The following SH3D21 variants were observed in gnomAD, a reference collection of about 807,000 sequenced individuals.
The protein encoded by SH3D21 is manchette microtubule inner protein 1.
A neutral mutation model predicts 82.1 loss-of-function variants in SH3D21; 83 were observed. The observed-to-expected ratio is 1.01, with a 90% CI of 0.85 to 1.21. The LOEUF is 1.21. SH3D21 is among the 50% of genes most tolerant of loss of function. The probability of loss-of-function intolerance (pLI) is 0.00; values close to 1 mark genes in which losing one functional copy is unlikely to be tolerated. For synonymous variants in SH3D21, 383 were observed against 387.8 expected (o/e 0.99, Z 0.15); for missense variants, 980 against 962.1 (o/e 1.02, Z -0.25).
chr1:36,323,051 G>A, downstream of SH3D21: 14 of 1,598,174 alleles, frequency 8.8e-6, no homozygotes, highest in Non-Finnish European at 1.2e-5. Flanking sequence ...GCTCTGGGGG[G>A]CAGCTCCCCT....
At position 36,311,341 on chromosome 1, in the gene SH3D21, C is replaced by T. The variant is rs373565260; in HGVS notation, c.769+1751C>T. On this transcript the variant is annotated intron_variant, in intron 10 of 15. Coordinates refer to ENST00000453908, the MANE Select transcript of SH3D21 (RefSeq NM_001162530.2). Reference sequence around the variant, plus strand: ...CTGCAAGCTCTGCCTCCCGGGTTCACGCCATTCTCCTGCCTCAGCCTCCCG... The same window carrying T: ...CTGCAAGCTCTGCCTCCCGGGTTCATGCCATTCTCCTGCCTCAGCCTCCCG... Among the ~76,000 whole-genome samples the T allele has an allele frequency of 7.4e-4, 113 of 151,744 alleles. 2 individuals carry two copies. The East Asian group carries it at 0.013, about 18-fold the overall frequency.
At position 36,319,704 on chromosome 1, in the gene SH3D21, C is replaced by T. The variant is rs1271585672; in HGVS notation, c.1041C>T (p.Ala347=). The change falls in exon 14 of 16, where the codon GCC becomes GCT. Residue 347 remains alanine (A), a synonymous_variant. Coordinates refer to ENST00000453908, the MANE Select transcript of SH3D21 (RefSeq NM_001162530.2). ...AAGAGCACAGCAGCCCGGTAAAGGC[C>T]CCCTCTGTGAAGAGAACCCCCATGC... The part of the protein sequence containing the change: ...QEEEHSSPVK[A]PSVKRTPMPD... The T allele has an allele frequency of 2.5e-6, 4 of 1,593,796 alleles. No individual in the cohort carries two copies. Among genetic ancestry groups the T allele is most frequent in the Admixed American group, 1.8e-5 (1 of 56,846 alleles).
In SH3D21 at chr1:36,306,485, A is replaced by G; in HGVS notation, c.4+61A>G. 2 of 1,305,014 alleles carry G rather than the reference A, an allele frequency of 1.5e-6. No individual in the cohort carries two copies. Among genetic ancestry groups the G allele is most frequent in the Non-Finnish European group, 2.0e-6 (2 of 988,884 alleles). 80.8% of individuals were successfully genotyped at this position (1,305,014 alleles called of 1,614,324 possible). The stretch of plus-strand genomic sequence containing the variant: ...AACCGTGGACATAGCAAGAGCCCAC[A>G]CCACCCCCCGACCCCCGCTGCCCTC... On this transcript the variant is annotated intron_variant, in intron 1 of 15. Coordinates refer to ENST00000453908, the MANE Select transcript of SH3D21 (RefSeq NM_001162530.2). The surrounding 1 kb of genome is among the most constrained non-coding windows in gnomAD (Gnocchi z 4.5).
chr1:36,322,134 T>C, downstream of SH3D21: 1 of 1,349,350 alleles, frequency 7.4e-7, no homozygotes, highest in Non-Finnish European at 9.6e-7. Context: ...CCCCGGGGTC[T>C]TCTGGCAGGA....
chr1:36,327,959 G>T, downstream of SH3D21: 1 of 955,580 alleles, frequency 1.0e-6, no homozygotes, highest in Non-Finnish European at 1.5e-6. Flanking sequence ...ATCTCTGCAC[G>T]TGTGTCACCT....
intron 10 of SH3D21, among the ~76,000 whole-genome samples, chr1:36,313,005 C>G (rs757643055): frequency 1.3e-4 from 20 of 152,056 alleles, no homozygotes; most frequent in Non-Finnish European, 2.6e-4. Context: ...AGCCACCACA[C>G]CTGGCCTATC....
At chr1:36,313,062 C>T (rs1646271706) in intron 10 of SH3D21, among the ~76,000 whole-genome samples, 3 of 151,898 alleles carry the variant, frequency 2.0e-5, no homozygotes, top group Non-Finnish European at 4.4e-5. Context: ...TGGTGGCTTA[C>T]GCCTGTAATC....
chr1:36,311,723 T>C (rs1646245549), intron 10 of SH3D21, among the ~76,000 whole-genome samples: 1 of 152,032 alleles, frequency 6.6e-6, no homozygotes, highest in Non-Finnish European at 1.5e-5. Flanking sequence ...AAAGGGTCAT[T>C]GGGTCTTTGT....
chr1:36,330,089 A>C (rs1320921981), downstream of SH3D21, among the ~76,000 whole-genome samples: 1 of 152,050 alleles, frequency 6.6e-6, no homozygotes, highest in Non-Finnish European at 1.5e-5. Flanking sequence ...ACCAGGATGC[A>C]GTCAAGACAC....
At position 36,307,668 on chromosome 1, in the gene SH3D21, G is replaced by T. The variant is rs1344329308; in HGVS notation, c.436+61G>T. ...TCTCCAATGACCCTCCCAGTGGCAT[G>T]AGCCTGTGATTCACATATCCTGACC... On this transcript the variant is annotated intron_variant, in intron 5 of 15. Transcript: ENST00000453908. The surrounding 1 kb of genome is among the most constrained non-coding windows in gnomAD (Gnocchi z 5.4). 1 of 1,542,992 alleles carries T rather than the reference G, an allele frequency of 6.5e-7. No individual in the cohort carries two copies. The highest frequency in any genetic ancestry group is 8.8e-7 in the Non-Finnish European group (1 of 1,140,698).
chr1:36,319,841 G>C lies in SH3D21; in HGVS notation c.1178G>C (p.Gly393Ala), dbSNP rs372764465. ...VPSPEKTLTL[G>A]DKASIPGNST... ...TCCCCAGAGAAGACCCTCACTCTAGGGGACAAGGCCTCTATCCCAGGGAAC... is the reference window on the plus strand; with the variant it reads ...TCCCCAGAGAAGACCCTCACTCTAGCGGACAAGGCCTCTATCCCAGGGAAC... Residue 393 changes from glycine (G) to alanine (A), a missense_variant, in exon 14 of 16, where the codon GGG becomes GCG. Physicochemically the swap from Gly to Ala is moderately conservative, Grantham distance 60. Coordinates refer to ENST00000453908, the MANE Select transcript of SH3D21 (RefSeq NM_001162530.2). 5 of 1,613,586 alleles carry C rather than the reference G, an allele frequency of 3.1e-6. No homozygotes were observed. The highest frequency in any genetic ancestry group is 4.2e-6 in the Non-Finnish European group (5 of 1,179,856).
At position 36,307,250 on chromosome 1, in the gene SH3D21, C is replaced by T. The variant is rs746043236; in HGVS notation, c.310C>T (p.Leu104=). The change falls in exon 4 of 16, where the codon CTG becomes TTG. Residue 104 remains leucine, a synonymous_variant. Coordinates refer to ENST00000453908, the MANE Select transcript of SH3D21 (RefSeq NM_001162530.2). This position sits in a 1 kb window ranked among gnomAD's most constrained non-coding sequence, Gnocchi z 5.4. ...CCCAGAGCAGGCGGACGAGCTGAAG[C>T]TGCAAGCTGGGGAGATCGTGGAAAT... is the stretch of plus-strand genomic sequence containing the variant. ...YSPEQADELK[L]QAGEIVEMIK... is the part of the protein sequence containing the mutation. The T allele has an allele frequency of 2.6e-6, 4 of 1,551,808 alleles. No individual in the cohort carries two copies. In the South Asian group the frequency reaches 4.8e-5, roughly 18 times the overall value.
At chr1:36,326,830 G>T (rs1433285519), downstream of SH3D21, among the ~76,000 whole-genome samples, 2 of 152,170 alleles carry the variant, frequency 1.3e-5, no homozygotes, top group Non-Finnish European at 2.9e-5. Flanking sequence ...ATACTGGGCT[G>T]GGGCACCTGA....
At chr1:36,311,248 TTTGA>T (rs1423253870) in intron 10 of SH3D21, among the ~76,000 whole-genome samples, 13 of 150,996 alleles carry the variant, frequency 8.6e-5, no homozygotes, top group Middle Eastern at 3.3e-3. Context: ...TGTTTGTTTG[TTTGA>T]TTGTTTTTAG....
intron 10 of SH3D21, among the ~76,000 whole-genome samples, chr1:36,313,965 A>ATTTTTTTTTTTTTTTTTTTTTTTTTT (rs1310971892): frequency 1.8e-5 from 1 of 56,280 alleles, no homozygotes; most frequent in Non-Finnish European, 3.9e-5. Flanking sequence ...GATGCTGAAC[A>ATTTTTTTTTTTTTTTTTTTTTTTTTT]TATTTTCTTT....
chr1:36,323,558 C>G (rs1398358060), downstream of SH3D21: 1 of 152,160 alleles, frequency 6.6e-6, no homozygotes, highest in Non-Finnish European at 1.5e-5. Flanking sequence ...GCCGCCCCTC[C>G]GGCCCCGCTG....
intron 10 of SH3D21, among the ~76,000 whole-genome samples, chr1:36,312,312 C>T (rs541203446): frequency 2.6e-4 from 39 of 152,302 alleles, no homozygotes; most frequent in Non-Finnish European, 4.4e-4. Context: ...CGTGAGCCAC[C>T]GCACACGGCC....
chr1:36,308,513 G>A, intron 9 of SH3D21, 38 bp downstream of exon 9: 2 of 1,533,692 alleles, frequency 1.3e-6, no homozygotes, highest in Non-Finnish European at 1.8e-6. Flanking sequence ...GGCAGGGGCA[G>A]GCTATTTTGG....
At chr1:36,308,325 T>G (rs960341467) in intron 8 of SH3D21, 64 bp from the exon 9 acceptor site, 2 of 1,504,058 alleles carry the variant, frequency 1.3e-6, no homozygotes, top group Non-Finnish European at 1.8e-6. Flanking sequence ...TAAGAAGGAG[T>G]GGGACCCCGG....
Sources: gnomAD v4.1 joint callset for allele counts (sites outside exome capture counted in the v4.1 genomes callset) on GRCh38, gnomAD v4.1.1 for gene constraint, Gnocchi (gnomAD v3.1) non-coding constraint, MANE v1.5 for transcripts, NCBI Gene and HGNC (gene_info 2026-07-23, HGNC 2026-07-21) for gene names.